Variants in KIF1A observed in about 807,000 individuals in gnomAD.
KIF1A encodes the protein kinesin family member 1A.
KIF1A carries 46 observed loss-of-function variants against 227.3 expected under a neutral mutation model. The observed-to-expected ratio is 0.20, with a 90% CI of 0.16 to 0.26. The LOEUF (loss-of-function observed/expected upper bound fraction) is 0.26. Ranked by LOEUF, KIF1A falls within the 10% of genes least tolerant of loss-of-function variation. KIF1A has a pLI of 1.00. For missense variants in KIF1A, 1,683 were observed against 2,485.9 expected (o/e 0.68, Z 6.87); for synonymous variants, 1,022 against 1,012.8 (o/e 1.01, Z -0.17).
chr2:240,798,907 G>A (rs1259346518), intron 1 of KIF1A, among the ~76,000 whole-genome samples: 1 of 152,224 alleles, frequency 6.6e-6, no homozygotes, highest in Non-Finnish European at 1.5e-5. Flanking sequence ...TCAGTGGTGA[G>A]TCCCACATCA....
In KIF1A at chr2:240,780,770, CCACA is replaced by C. The variant is rs113684618; in HGVS notation, c.882+1816_882+1819del. 3.4e-3 allele frequency among the ~76,000 whole-genome samples: 245 copies of C among 71,410 alleles called. 2 individuals are homozygous for C. The highest frequency in any genetic ancestry group is 0.023 in the East Asian group (47 of 2,004). 46.8% of individuals were successfully genotyped at this position (71,410 alleles called of 152,430 possible). On this transcript the variant is annotated intron_variant, in intron 10 of 48. Transcript: ENST00000498729. Reference sequence around the variant, plus strand: ...TTCTCTGCAGGCTCCCCACACAGCTCCACACACACACACACACACACACAGCTCC... The same window carrying C: ...TTCTCTGCAGGCTCCCCACACAGCTCCACACACACACACACACACAGCTCC...
intron 38 of KIF1A, among the ~76,000 whole-genome samples, chr2:240,735,777 C>T (rs1423641496): frequency 3.3e-5 from 5 of 152,176 alleles, no homozygotes; most frequent in African/African-American, 1.2e-4. Context: ...AGCCCCAAGC[C>T]CCGGCCCGTC....
chr2:240,809,453 C>T (rs2057691044), intron 1 of KIF1A, among the ~76,000 whole-genome samples: 1 of 152,136 alleles, frequency 6.6e-6, no homozygotes, highest in Non-Finnish European at 1.5e-5. Flanking sequence ...GCCCTTTTGA[C>T]ATCTGGGAAA....
chr2:240,762,995 G>A, intron 22 of KIF1A, 24 bp downstream of exon 22: 2 of 1,462,506 alleles, frequency 1.4e-6, no homozygotes, highest in Non-Finnish European at 1.8e-6. Flanking sequence ...GGCTGGGCAG[G>A]GAGGGCGGGG....
intron 40 of KIF1A, chr2:240,724,723 C>T (rs1043271532): frequency 1.2e-5 from 2 of 161,202 alleles, no homozygotes; most frequent in South Asian, 1.8e-4. Context: ...GTGTTCAGCA[C>T]GCAAGCACGG....
At chr2:240,718,863 G>A (rs1009569251) in intron 47 of KIF1A, 143 bp downstream of exon 47, 12 of 663,006 alleles carry the variant, frequency 1.8e-5, no homozygotes, top group Non-Finnish European at 2.8e-5. Context: ...CTGAGTCCCT[G>A]AGCCCAGCCT....
intron 38 of KIF1A, among the ~76,000 whole-genome samples, chr2:240,730,697 C>A (rs2046502589): frequency 6.6e-6 from 1 of 152,232 alleles, no homozygotes; most frequent in Admixed American, 6.5e-5. Flanking sequence ...GGGGATTGTG[C>A]TTGAACCCCG....
rs146628289 is a variant in KIF1A at position 240,722,180 on chromosome 2, C to T, written c.4665+276G>A. On this transcript the variant is annotated intron_variant, in intron 43 of 48. Coordinates refer to ENST00000498729, the MANE Select transcript of KIF1A (RefSeq NM_001244008.2). The stretch of plus-strand genomic sequence containing the variant: ...GCCCGTTCAGCCGCCAAAAGAGCCA[C>T]TTGTGGGTGGAAGTGGTGAGCTCCC... 1.1e-3 allele frequency among the ~76,000 whole-genome samples: 165 copies of T among 152,322 alleles called. 2 individuals carry two copies. The East Asian group carries it at 0.024, about 22-fold the overall frequency.
In KIF1A at chr2:240,757,209, T is replaced by G. The variant is rs1021345769; in HGVS notation, c.2858+110A>C. ...GGCCAGCCCCTCCACCTGCCTCGCC[T>G]GCCCTGGGAGGGCCCGGGCCAGGCC... On this transcript the variant is annotated intron_variant, in intron 27 of 48. Coordinates refer to ENST00000498729, the MANE Select transcript of KIF1A (RefSeq NM_001244008.2). This position sits in a 1 kb window ranked among gnomAD's most constrained non-coding sequence, Gnocchi z 6.2. 8.7e-7 allele frequency: 1 copy of G among 1,150,138 alleles called. No homozygotes were observed. Among genetic ancestry groups the G allele is most frequent in the African/African-American group, 1.5e-5 (1 of 64,854 alleles). 71.2% of individuals were successfully genotyped at this position (1,150,138 alleles called of 1,614,324 possible).
chr2:240,809,011 TAA>T (rs2057658696), intron 1 of KIF1A, among the ~76,000 whole-genome samples: 1 of 152,198 alleles, frequency 6.6e-6, no homozygotes, highest in South Asian at 2.1e-4. Context: ...ATTAGAGGCA[TAA>T]GCCACCACGC....
rs1232485129 is a variant in KIF1A at position 240,722,664 on chromosome 2, C to G, written c.4465-8G>C. 5 of 1,513,790 alleles carry G rather than the reference C, an allele frequency of 3.3e-6. No individual in the cohort carries two copies. The East Asian group carries it at 1.2e-4, about 37-fold the overall frequency. The allele number at this position is 1,513,790 out of a possible 1,614,324, so 93.8% of individuals were successfully genotyped here. The stretch of plus-strand genomic sequence containing the variant: ...GTGCCTAGTCTTCTCCACCTTCAGA[C>G]AGGACACAAGGCCTTACCTGCTGCA... On this transcript the variant is annotated splice_polypyrimidine_tract_variant and splice_region_variant and intron_variant, in intron 42 of 48. Transcript: ENST00000498729.
chr2:240,818,029 A>G (rs2058452990), intron 1 of KIF1A, among the ~76,000 whole-genome samples: 1 of 152,146 alleles, frequency 6.6e-6, no homozygotes, highest in Admixed American at 6.5e-5. Flanking sequence ...AGTCTGTGGG[A>G]CATTCCAGTG....
At chr2:240,786,753 T>A (rs1266927013) in intron 5 of KIF1A, among the ~76,000 whole-genome samples, 10 of 94,328 alleles carry the variant, frequency 1.1e-4, no homozygotes, top group Admixed American at 2.0e-4. Flanking sequence ...GGCCCCTGAG[T>A]GAGAGGGTAG....
intron 1 of KIF1A, among the ~76,000 whole-genome samples, chr2:240,812,124 T>A (rs2057912342): frequency 6.6e-6 from 1 of 152,172 alleles, no homozygotes; most frequent in Non-Finnish European, 1.5e-5. Flanking sequence ...GCCCCGCAAG[T>A]CACTGCAGGC....
rs79753886 is a variant in KIF1A, at chr2:240,803,675, C to T, written c.-60-5863G>A. Among the ~76,000 whole-genome samples, 1,372 of 152,110 alleles carry T rather than the reference C, an allele frequency of 9.0e-3. 15 individuals carry two copies. Among genetic ancestry groups the T allele is most frequent in the African/African-American group, 0.031 (1,273 of 41,476 alleles). On this transcript the variant is annotated intron_variant, in intron 1 of 48. Coordinates refer to ENST00000498729, the MANE Select transcript of KIF1A (RefSeq NM_001244008.2). ...CAGTTTATAATTCTATCTACATAACCGCTAAAACAGGCACGAATTAGCAGA... is the reference window on the plus strand; with the variant it reads ...CAGTTTATAATTCTATCTACATAACTGCTAAAACAGGCACGAATTAGCAGA...
chr2:240,789,285 T>G lies in KIF1A; in HGVS notation c.134A>C (p.Glu45Ala). Residue 45 changes from glutamate to alanine, a missense_variant, in exon 3 of 49, where the codon GAG (glutamate) becomes GCG (alanine). Coordinates refer to ENST00000498729, the MANE Select transcript of KIF1A (RefSeq NM_001244008.2). This position sits in a 1 kb window ranked among gnomAD's most constrained non-coding sequence, Gnocchi z 4.8. The part of the protein sequence containing the change: ...TTIVNPKQPK[E>A]TPKSFSFDYS... ...GTCAAAGCTGAAGCTTTTGGGCGTCTCCTTGGGCTGTTTGGGGTTAACAAT... is the reference window on the plus strand; with the variant it reads ...GTCAAAGCTGAAGCTTTTGGGCGTCGCCTTGGGCTGTTTGGGGTTAACAAT... 6.2e-7 allele frequency: 1 copy of G among 1,613,888 alleles called. No individual in the cohort carries two copies. Among genetic ancestry groups the G allele is most frequent in the Non-Finnish European group, 8.5e-7 (1 of 1,179,778 alleles).
At chr2:240,761,773 A>C (rs948249238) in intron 23 of KIF1A, among the ~76,000 whole-genome samples, 4 of 152,230 alleles carry the variant, frequency 2.6e-5, no homozygotes, top group African/African-American at 9.6e-5. Flanking sequence ...CGCCACGAGC[A>C]GCCTTGTGAG....
In KIF1A at chr2:240,739,943, G is replaced by T; in HGVS notation, c.3901+115C>A. 1.3e-6 allele frequency: 1 copy of T among 761,018 alleles called. No homozygotes were observed. Among genetic ancestry groups the T allele is most frequent in the Non-Finnish European group, 2.2e-6 (1 of 444,794 alleles). The allele number at this position is 761,018 out of a possible 1,614,324, so 47.1% of individuals were successfully genotyped here. ...AGAGAGATTATGTGACCCGGCCAGGGTCACGCAGCAACAGACGCAGAGGTG... is the reference window on the plus strand; with the variant it reads ...AGAGAGATTATGTGACCCGGCCAGGTTCACGCAGCAACAGACGCAGAGGTG... On this transcript the variant is annotated intron_variant, in intron 37 of 48. Coordinates refer to ENST00000498729, the MANE Select transcript of KIF1A (RefSeq NM_001244008.2). This position sits in a 1 kb window ranked among gnomAD's most constrained non-coding sequence, Gnocchi z 5.6.
At chr2:240,794,846 C>T (rs989040413) in intron 2 of KIF1A, among the ~76,000 whole-genome samples, 22 of 152,170 alleles carry the variant, frequency 1.4e-4, no homozygotes, top group African/African-American at 4.3e-4. Context: ...GGTGCGTCTT[C>T]GGCTACAGTG....
Sources: gnomAD v4.1 joint callset for allele counts (sites outside exome capture counted in the v4.1 genomes callset) on GRCh38, gnomAD v4.1.1 for gene constraint, Gnocchi (gnomAD v3.1) non-coding constraint, MANE v1.5 for transcripts, NCBI Gene and HGNC (gene_info 2026-07-23, HGNC 2026-07-21) for gene names.